Variants in SLC4A10 observed in about 807,000 individuals in gnomAD.
The protein encoded by SLC4A10 is sodium-driven chloride bicarbonate exchanger.
SLC4A10 carries 42 observed loss-of-function variants against 137.7 expected under a neutral mutation model. The observed-to-expected ratio is 0.30, with a 90% confidence interval of 0.24 to 0.39. The LOEUF is 0.39. Among genes scored for constraint, SLC4A10 ranks in the 10% least tolerant of loss-of-function variants. The pLI, the probability that SLC4A10 is intolerant of heterozygous loss-of-function variation, is 1.00. For missense variants in SLC4A10, 925 were observed against 1,355.0 expected, an observed-to-expected ratio of 0.68 and a Z score of 4.98; for synonymous variants, 474 against 464.1, an observed-to-expected ratio of 1.02 and a Z score of -0.27.
chr2:161,824,717 TACA>T (rs1232000434), intron 3 of SLC4A10, among the ~76,000 whole-genome samples: 14 of 152,346 alleles, frequency 9.2e-5, no homozygotes, highest in Non-Finnish European at 1.3e-4. Context: ...CAACTTTTTT[TACA>T]ACATGGACCC....
chr2:161,645,225 CA>C (rs1427737872), intron 1 of SLC4A10, among the ~76,000 whole-genome samples: 10 of 29,600 alleles, frequency 3.4e-4, no homozygotes, highest in African/African-American at 8.4e-4. Flanking sequence ...CGGGAATTTC[CA>C]ATATTTTTTT....
At chr2:161,672,634 C>T (rs1474171689) in intron 1 of SLC4A10, among the ~76,000 whole-genome samples, 2 of 152,042 alleles carry the variant, frequency 1.3e-5, no homozygotes, top group East Asian at 1.9e-4. Context: ...TGCAGCATTA[C>T]TTAGCTTTGT....
chr2:161,745,126 A>T (rs910228398), intron 1 of SLC4A10, among the ~76,000 whole-genome samples: 1 of 152,198 alleles, frequency 6.6e-6, no homozygotes, highest in Middle Eastern at 3.4e-3. Flanking sequence ...CTCTGTTATC[A>T]TCTCTTTGAA....
At chr2:161,884,486 T>C (rs2062065453) in intron 10 of SLC4A10, among the ~76,000 whole-genome samples, 1 of 152,128 alleles carries the variant, frequency 6.6e-6, no homozygotes, top group African/African-American at 2.4e-5. Context: ...TTCTATAAAT[T>C]TCAGATTTAG....
chr2:161,964,242 G>A lies in SLC4A10; in HGVS notation c.2970G>A (p.Gln990=), dbSNP rs1160370472. ...AAGTGCATCTCTTCACAATTATTCA[G>A]ATGAGTTGCCTTGGCCTTTTGTGGA... is the stretch of plus-strand genomic sequence containing the variant. ...LRKVHLFTII[Q]MSCLGLLWII... The change falls in exon 22 of 27, where the codon CAG becomes CAA. Residue 990 remains glutamine, a synonymous_variant. Transcript: ENST00000446997. 2.5e-6 allele frequency: 4 copies of A among 1,613,662 alleles called. No individual in the cohort carries two copies. The highest frequency in any genetic ancestry group is 3.4e-6 in the Non-Finnish European group (4 of 1,179,696).
intron 10 of SLC4A10, among the ~76,000 whole-genome samples, chr2:161,893,319 T>C (rs1361943515): frequency 6.6e-6 from 1 of 152,150 alleles, no homozygotes; most frequent in Non-Finnish European, 1.5e-5. Context: ...AAATGAACTT[T>C]CTGCACTGTG....
At chr2:161,715,744 A>G (rs2044791136) in intron 1 of SLC4A10, among the ~76,000 whole-genome samples, 1 of 152,072 alleles carries the variant, frequency 6.6e-6, no homozygotes, top group African/African-American at 2.4e-5. Flanking sequence ...CCTATCATTG[A>G]TGGGCATTTG....
At chr2:161,641,390 G>A (rs2035304021) in intron 1 of SLC4A10, among the ~76,000 whole-genome samples, 1 of 150,306 alleles carries the variant, frequency 6.7e-6, no homozygotes, top group South Asian at 2.1e-4. Flanking sequence ...AAATTGCTAA[G>A]CCCCCCTATA....
intron 1 of SLC4A10, among the ~76,000 whole-genome samples, chr2:161,645,963 A>G (rs949673122): frequency 5.9e-5 from 9 of 152,046 alleles, no homozygotes; most frequent in African/African-American, 2.2e-4. Context: ...ATATACTTCA[A>G]TATATATAAC....
chr2:161,744,339 A>G (rs1433883557), intron 1 of SLC4A10, among the ~76,000 whole-genome samples: 2 of 152,118 alleles, frequency 1.3e-5, no homozygotes, highest in African/African-American at 4.8e-5. Flanking sequence ...CTTAACATGA[A>G]GGGATGCTGA....
intron 16 of SLC4A10, 53 bp from the exon 17 acceptor site, chr2:161,947,512 GA>G: frequency 1.9e-6 from 3 of 1,567,178 alleles, no homozygotes; most frequent in Non-Finnish European, 2.6e-6. Flanking sequence ...TTTTCTGCAA[GA>G]AATGTGTCCG....
chr2:161,702,870 TAA>T (rs912686767), intron 1 of SLC4A10, among the ~76,000 whole-genome samples: 16 of 151,988 alleles, frequency 1.1e-4, no homozygotes, highest in African/African-American at 3.6e-4. Flanking sequence ...TTATTTATCC[TAA>T]GTTTTTGTTG....
At chr2:161,767,526 C>T (rs976473481) in intron 1 of SLC4A10, among the ~76,000 whole-genome samples, 3 of 151,630 alleles carry the variant, frequency 2.0e-5, no homozygotes, top group African/African-American at 7.3e-5. Flanking sequence ...TTGTTAATGT[C>T]TAAGAATGGT....
At chr2:161,686,464 T>C (rs1383589625) in intron 1 of SLC4A10, among the ~76,000 whole-genome samples, 1 of 152,198 alleles carries the variant, frequency 6.6e-6, no homozygotes, top group African/African-American at 2.4e-5. Flanking sequence ...CACTTACAGG[T>C]ACAGATCTTA....
At chr2:161,902,337 C>T (rs1279733630) in intron 12 of SLC4A10, among the ~76,000 whole-genome samples, 1 of 152,138 alleles carries the variant, frequency 6.6e-6, no homozygotes, top group Non-Finnish European at 1.5e-5. Flanking sequence ...ATTAATAGCT[C>T]ATAACCACCT....
chr2:161,950,891 T>A (rs1279161623), intron 19 of SLC4A10, 43 bp downstream of exon 19: 2 of 1,436,684 alleles, frequency 1.4e-6, no homozygotes, highest in Non-Finnish European at 1.9e-6. Flanking sequence ...TTATGACAAC[T>A]GATATCAACT....
At chr2:161,964,029 A>G in intron 21 of SLC4A10, 106 bp from the exon 22 acceptor site, 1 of 819,224 alleles carries the variant, frequency 1.2e-6, no homozygotes. Flanking sequence ...AGTGTTATCC[A>G]GGTATGTCAT....
intron 3 of SLC4A10, among the ~76,000 whole-genome samples, chr2:161,810,136 A>G (rs1448343360): frequency 1.3e-5 from 2 of 151,690 alleles, no homozygotes; most frequent in East Asian, 3.9e-4. Context: ...GCCTATTGTA[A>G]ATGGGATTGA....
At chr2:161,846,763 G>A (rs992008630) in intron 4 of SLC4A10, among the ~76,000 whole-genome samples, 22 of 152,082 alleles carry the variant, frequency 1.4e-4, no homozygotes, top group African/African-American at 3.9e-4. Flanking sequence ...ATATAACACC[G>A]TCAAAATAAC....
Sources: allele counts gnomAD v4.1 joint callset (sites outside exome capture counted in the v4.1 genomes callset), GRCh38; gene constraint gnomAD v4.1.1; transcripts MANE v1.5; gene names NCBI Gene and HGNC (gene_info 2026-07-23, HGNC 2026-07-21).